The following MARCO variants were observed in gnomAD, a reference collection of about 807,000 sequenced individuals.
MARCO encodes macrophage receptor MARCO.
MARCO carries 72 observed loss-of-function variants against 70.0 expected under a neutral mutation model. The ratio of observed to expected loss-of-function variants is 1.03; its 90% CI spans 0.85 to 1.25. The LOEUF is 1.25. MARCO is among the 50% of genes most tolerant of loss of function. MARCO has a pLI of 0.00. For missense variants in MARCO, 696 were observed against 659.3 expected (o/e 1.06, Z -0.61); for synonymous variants, 273 against 243.1 (o/e 1.12, Z -1.14).
intron 1 of MARCO, among the ~76,000 whole-genome samples, chr2:118,957,970 TC>T (rs1679869318): frequency 6.6e-6 from 1 of 152,006 alleles, no homozygotes; most frequent in Non-Finnish European, 1.5e-5. Flanking sequence ...ATTAAAACCC[TC>T]AGTAAAATCA....
rs780049380 is a variant in MARCO, at chr2:118,993,110, G to C, written c.1253-14G>C. 6.2e-7 allele frequency: 1 copy of C among 1,613,926 alleles called. No individual in the cohort carries two copies. Among genetic ancestry groups the C allele is most frequent in the East Asian group, 2.2e-5 (1 of 44,864 alleles). On this transcript the variant is annotated splice_polypyrimidine_tract_variant and intron_variant, in intron 15 of 16. Transcript: ENST00000327097. ...GGCCTTCCTTGCCTCTCCCATGTGT[G>C]TTTCTTCACCCAGGTGAAAACTCAG...
chr2:118,977,963 C>T (rs1258114954), intron 8 of MARCO, 28 bp downstream of exon 8: 2 of 1,514,394 alleles, frequency 1.3e-6, no homozygotes, highest in Admixed American at 1.9e-5. Context: ...GGTGTCGGTG[C>T]TTGCCAGGAG....
intron 1 of MARCO, among the ~76,000 whole-genome samples, chr2:118,943,514 G>GAGGGGAC (rs141529880): frequency 1.9e-3 from 291 of 152,308 alleles, no homozygotes; most frequent in African/African-American, 6.8e-3. Context: ...CTTCTGGCAC[G>GAGGGGAC]AGGGGACAGG....
chr2:118,963,040 T>A (rs1679978568), intron 1 of MARCO, among the ~76,000 whole-genome samples: 1 of 151,932 alleles, frequency 6.6e-6, no homozygotes. Flanking sequence ...TTGACTTTGT[T>A]CAAAGAGCTA....
intron 1 of MARCO, among the ~76,000 whole-genome samples, chr2:118,943,353 A>G (rs1456111066): frequency 1.3e-5 from 2 of 152,220 alleles, no homozygotes; most frequent in East Asian, 3.8e-4. Flanking sequence ...AACTTCTCAG[A>G]ATGCAACATT....
chr2:118,947,621 C>A (rs2104545367), intron 1 of MARCO, among the ~76,000 whole-genome samples: 1 of 137,090 alleles, frequency 7.3e-6, no homozygotes, highest in East Asian at 1.9e-4. Flanking sequence ...TGCTTTTACA[C>A]CTTTGTCAAA....
chr2:118,964,717 G>C (rs1378966180), intron 1 of MARCO, among the ~76,000 whole-genome samples: 1 of 151,902 alleles, frequency 6.6e-6, no homozygotes, highest in Non-Finnish European at 1.5e-5. Context: ...GTGAAACCCT[G>C]TCTCTACTAA....
intron 1 of MARCO, among the ~76,000 whole-genome samples, chr2:118,959,106 G>GT (rs1170834694): frequency 2.0e-5 from 3 of 152,072 alleles, no homozygotes; most frequent in African/African-American, 7.2e-5. Context: ...GAACCCAAAA[G>GT]TAAATGCAAT....
chr2:118,966,701 C>G (rs1440215171), intron 1 of MARCO, among the ~76,000 whole-genome samples: 1 of 152,200 alleles, frequency 6.6e-6, no homozygotes, highest in Admixed American at 6.5e-5. Context: ...TCTGTATTTT[C>G]CATGCTTGCT....
intron 12 of MARCO, among the ~76,000 whole-genome samples, chr2:118,986,586 G>GAAGAAAGAAAGA (rs755693328): frequency 0.012 from 548 of 46,612 alleles, 24 homozygotes; most frequent in Admixed American, 0.014. Flanking sequence ...GGGAAGGAAA[G>GAAGAAAGAAAGA]AAGAAAGAAA....
chr2:118,982,732 C>T (rs1328062353), intron 12 of MARCO, among the ~76,000 whole-genome samples: 2 of 152,194 alleles, frequency 1.3e-5, no homozygotes, highest in Non-Finnish European at 2.9e-5. Flanking sequence ...CTGTCTCCTG[C>T]TAACCCTTCA....
At chr2:118,947,384 C>T (rs1679621840) in intron 1 of MARCO, among the ~76,000 whole-genome samples, 1 of 152,158 alleles carries the variant, frequency 6.6e-6, no homozygotes, top group Non-Finnish European at 1.5e-5. Flanking sequence ...GATCATAGTG[C>T]ATTGCAGCCT....
chr2:118,987,603 G>C (rs763641655), intron 12 of MARCO, among the ~76,000 whole-genome samples: 3 of 152,220 alleles, frequency 2.0e-5, no homozygotes, highest in Admixed American at 2.0e-4. Context: ...AAGGCTGCTC[G>C]TAGGAGGTGG....
intron 12 of MARCO, among the ~76,000 whole-genome samples, chr2:118,984,638 C>T (rs558602449): frequency 3.3e-5 from 5 of 152,292 alleles, no homozygotes; most frequent in African/African-American, 9.6e-5. Flanking sequence ...CCAATAGGAC[C>T]ATAATCTGGC....
chr2:118,959,753 G>A (rs1402590774), intron 1 of MARCO, among the ~76,000 whole-genome samples: 1 of 152,036 alleles, frequency 6.6e-6, no homozygotes, highest in African/African-American at 2.4e-5. Context: ...TAAAGAAACT[G>A]TGGTGTATAT....
chr2:118,944,409 T>TA (rs1203353477), intron 1 of MARCO, among the ~76,000 whole-genome samples: 2 of 152,188 alleles, frequency 1.3e-5, no homozygotes, highest in Non-Finnish European at 2.9e-5. Flanking sequence ...GAGGCTCTGG[T>TA]AACACAGTGA....
chr2:118,947,914 G>A (rs1221721023), intron 1 of MARCO, among the ~76,000 whole-genome samples: 1 of 152,106 alleles, frequency 6.6e-6, no homozygotes, highest in Admixed American at 6.6e-5. Context: ...TACACCTATA[G>A]ATAAATGTAG....
chr2:118,986,637 GAA>G (rs1558671527), intron 12 of MARCO, among the ~76,000 whole-genome samples: 3 of 39,760 alleles, frequency 7.5e-5, no homozygotes, highest in Non-Finnish European at 1.3e-4. Context: ...AAGAAAGAAA[GAA>G]AGAAAGAAAG....
At chr2:118,955,710 A>C (rs7604435) in intron 1 of MARCO, among the ~76,000 whole-genome samples, 28,008 of 152,120 alleles carry the variant, frequency 0.18, 3,405 homozygotes, top group African/African-American at 0.33. Context: ...ACAGAAGCAC[A>C]AGGTAACCTA....
Sources: gnomAD v4.1 joint callset for allele counts (sites outside exome capture counted in the v4.1 genomes callset) on GRCh38, gnomAD v4.1.1 for gene constraint, MANE v1.5 for transcripts, NCBI Gene and HGNC (gene_info 2026-07-23, HGNC 2026-07-21) for gene names.